Variants in COG5 observed in about 807,000 individuals in gnomAD.
The protein encoded by COG5 is component of oligomeric golgi complex 5.
A neutral mutation model predicts 110.4 loss-of-function variants in COG5; 86 were observed. The observed-to-expected ratio is 0.78, with a 90% CI of 0.65 to 0.93. COG5 has a LOEUF of 0.93. COG5 is among the 40% of genes least tolerant of loss of function. The probability of loss-of-function intolerance (pLI) is 0.00; values close to 1 mark genes in which losing one functional copy is unlikely to be tolerated. For synonymous variants in COG5, 360 were observed against 334.6 expected (o/e 1.08, Z -0.83); for missense variants, 1,077 against 987.0 (o/e 1.09, Z -1.22).
At chr7:107,236,857 T>C (rs948951623) in intron 17 of COG5, among the ~76,000 whole-genome samples, 170 bp from the exon 18 acceptor site, 1 of 152,232 alleles carries the variant, frequency 6.6e-6, no homozygotes, top group Admixed American at 6.5e-5. Context: ...AAACAATGTT[T>C]AAAAATTACA....
At chr7:107,370,059 T>A (rs1287602584) in intron 8 of COG5, among the ~76,000 whole-genome samples, 1 of 152,160 alleles carries the variant, frequency 6.6e-6, no homozygotes, top group Non-Finnish European at 1.5e-5. Flanking sequence ...TACAGGCTGT[T>A]TACTTTTTAT....
chr7:107,315,889 AAATATT>A (rs1408062720), intron 11 of COG5, among the ~76,000 whole-genome samples: 3 of 152,328 alleles, frequency 2.0e-5, no homozygotes, highest in Non-Finnish European at 2.9e-5. Context: ...TCCTAAGGTG[AAATATT>A]AATGGGATTT....
In COG5 at chr7:107,410,866, T is replaced by C. The variant is rs558545373; in HGVS notation, c.669+1636A>G. ...GACACTGGAGACTTAGACCAAATGA[T>C]ACTAATGACAATATTCAACGTTGAT... On this transcript the variant is annotated intron_variant, in intron 7 of 21. Transcript: ENST00000297135. 6.0e-5 allele frequency among the ~76,000 whole-genome samples: 9 copies of C among 150,874 alleles called. No individual in the cohort carries two copies. In the East Asian group the frequency reaches 1.5e-3, roughly 26 times the overall value.
chr7:107,266,450 T>C (rs1164900488), intron 14 of COG5, among the ~76,000 whole-genome samples: 3 of 152,204 alleles, frequency 2.0e-5, no homozygotes, highest in Non-Finnish European at 2.9e-5. Context: ...ATCTCTTCTC[T>C]GCTTTTAGTG....
At chr7:107,269,368 G>T (rs1337375504) in intron 14 of COG5, among the ~76,000 whole-genome samples, 1 of 151,792 alleles carries the variant, frequency 6.6e-6, no homozygotes, top group Non-Finnish European at 1.5e-5. Flanking sequence ...CCAGCTACTC[G>T]GGAGGCTGAG....
chr7:107,333,819 T>C (rs916202616), intron 10 of COG5, among the ~76,000 whole-genome samples: 1 of 152,144 alleles, frequency 6.6e-6, no homozygotes, highest in Admixed American at 6.6e-5. Context: ...CTAACATACA[T>C]AGAGTAAAAA....
chr7:107,433,320 G>A (rs1794150202), intron 6 of COG5, among the ~76,000 whole-genome samples: 1 of 152,170 alleles, frequency 6.6e-6, no homozygotes, highest in Non-Finnish European at 1.5e-5. Context: ...AGCATTTTGT[G>A]TGTGCATGCA....
chr7:107,413,481 T>C (rs1792464584), intron 6 of COG5, among the ~76,000 whole-genome samples: 1 of 151,430 alleles, frequency 6.6e-6, no homozygotes, highest in Admixed American at 6.6e-5. Context: ...AGTTACTAAT[T>C]ATTCCACAAA....
intron 14 of COG5, among the ~76,000 whole-genome samples, chr7:107,272,362 C>T (rs570888583): frequency 3.9e-5 from 6 of 152,290 alleles, no homozygotes; most frequent in African/African-American, 1.4e-4. Flanking sequence ...CCCACCTTTC[C>T]GGATGGAACC....
At chr7:107,316,609 T>G (rs941452265) in intron 11 of COG5, among the ~76,000 whole-genome samples, 12 of 142,234 alleles carry the variant, frequency 8.4e-5, no homozygotes, top group Middle Eastern at 4.2e-3. Context: ...GTCTGGAGAT[T>G]GAGACCATTC....
rs760015202 is a variant in COG5, at chr7:107,203,602, C to CTGAT, written c.2400_2403dup (p.Val802IlefsTer5). 2 of 1,613,858 alleles carry CTGAT rather than the reference C, an allele frequency of 1.2e-6. No homozygotes were observed. Among genetic ancestry groups the CTGAT allele is most frequent in the Non-Finnish European group, 1.7e-6 (2 of 1,179,888 alleles). ...AATTCTTTGCCTTCTCTACTTCTCACTGATTGAACATAAGCTTCCAGGGCT... is the reference window on the plus strand; with the variant it reads ...AATTCTTTGCCTTCTCTACTTCTCACTGATTGATTGAACATAAGCTTCCAGGGCT... On this transcript the variant is annotated frameshift_variant, in exon 22 of 22. Transcript: ENST00000297135. LOFTEE classifies it high-confidence loss of function.
chr7:107,348,151 A>G (rs2129039732), intron 10 of COG5, among the ~76,000 whole-genome samples: 1 of 148,750 alleles, frequency 6.7e-6, no homozygotes, highest in African/African-American at 2.4e-5. Flanking sequence ...AAAAAAAAGA[A>G]TTTTGTCAAA....
chr7:107,470,697 T>C (rs952572280), intron 6 of COG5, among the ~76,000 whole-genome samples: 1 of 152,154 alleles, frequency 6.6e-6, no homozygotes, highest in East Asian at 1.9e-4. Context: ...TCAGATATAC[T>C]AAATATTCTT....
At chr7:107,427,454 ACTCTT>A (rs1486307954) in intron 6 of COG5, among the ~76,000 whole-genome samples, 1 of 152,114 alleles carries the variant, frequency 6.6e-6, no homozygotes, top group African/African-American at 2.4e-5. Flanking sequence ...AAAAATATAT[ACTCTT>A]CTGTTATGGA....
chr7:107,486,461 T>C (rs1436842475), intron 6 of COG5, among the ~76,000 whole-genome samples: 1 of 152,014 alleles, frequency 6.6e-6, no homozygotes, highest in Non-Finnish European at 1.5e-5. Flanking sequence ...AATGTCTTCA[T>C]ATTTTTCAAA....
At chr7:107,488,170 A>T (rs1218055357) in intron 6 of COG5, among the ~76,000 whole-genome samples, 2 of 151,930 alleles carry the variant, frequency 1.3e-5, no homozygotes, top group Admixed American at 1.3e-4. Flanking sequence ...ATTTAAAAAA[A>T]TTTTAAAATA....
intron 19 of COG5, among the ~76,000 whole-genome samples, chr7:107,224,512 T>C (rs1013097283): frequency 2.6e-5 from 4 of 152,150 alleles, no homozygotes; most frequent in Non-Finnish European, 2.9e-5. Flanking sequence ...CCGAGAAGAC[T>C]GTGGACATCA....
At chr7:107,501,509 A>T (rs966351072) in intron 6 of COG5, among the ~76,000 whole-genome samples, 1 of 152,142 alleles carries the variant, frequency 6.6e-6, no homozygotes, top group African/African-American at 2.4e-5. Flanking sequence ...ACGAAAAACA[A>T]CATACTAATG....
chr7:107,276,495 C>G (rs908279860), intron 14 of COG5, among the ~76,000 whole-genome samples: 1 of 152,058 alleles, frequency 6.6e-6, no homozygotes, highest in Non-Finnish European at 1.5e-5. Context: ...TGTGGCGAGA[C>G]CCTCCATCGC....
Sources: gnomAD v4.1 joint callset for allele counts (sites outside exome capture counted in the v4.1 genomes callset) on GRCh38, gnomAD v4.1.1 for gene constraint, MANE v1.5 for transcripts, NCBI Gene and HGNC (gene_info 2026-07-23, HGNC 2026-07-21) for gene names.